The following ANKRD62 variants were observed in gnomAD, a reference collection of about 807,000 sequenced individuals.
The protein encoded by ANKRD62 is ankyrin repeat domain-containing protein 62.
Under a neutral mutation model 98.8 loss-of-function variants are expected in ANKRD62, and 61 were observed. That is an observed-to-expected ratio of 0.62 (90% CI 0.50 to 0.76). ANKRD62 has a LOEUF of 0.76. Ranked by LOEUF, ANKRD62 falls within the 30% of genes least tolerant of loss-of-function variation. The probability of loss-of-function intolerance (pLI) is 0.00; values close to 1 mark genes in which losing one functional copy is unlikely to be tolerated. For synonymous variants in ANKRD62, 341 were observed against 367.9 expected, an observed-to-expected ratio of 0.93 and a Z score of 0.84; for missense variants, 933 against 1,082.9, an observed-to-expected ratio of 0.86 and a Z score of 1.94.
At chr18:12,120,125 T>A (rs1051201760) in intron 10 of ANKRD62, among the ~76,000 whole-genome samples, 5 of 152,240 alleles carry the variant, frequency 3.3e-5, no homozygotes, top group African/African-American at 1.2e-4. Context: ...AAATATTGTC[T>A]ATTTTGGCAA....
In ANKRD62 at chr18:12,095,743, C is replaced by T. The variant is rs868244794; in HGVS notation, c.507+133C>T. ...GTGCAAATATTTGCTTTACATACAA[C>T]TATTTAAAAATACATTCATAACAAA... On this transcript the variant is annotated intron_variant, in intron 3 of 13. Transcript: ENST00000587848. 23 of 851,166 alleles carry T rather than the reference C, an allele frequency of 2.7e-5. No homozygotes were observed. In the Middle Eastern group the frequency reaches 1.5e-3, roughly 54 times the overall value. 52.7% of individuals were successfully genotyped at this position (851,166 alleles called of 1,614,324 possible). A position where few individuals can be genotyped will look rare whatever the true frequency, so the allele number is the denominator to read the frequency against.
the ANKRD62 span, among the ~76,000 whole-genome samples, chr18:12,144,674 T>C: frequency 3.4e-3 from 43 of 12,556 alleles, no homozygotes; most frequent in East Asian, 8.7e-3. Flanking sequence ...GCCCACAAGC[T>C]GGAATGGCTA....
At chr18:12,161,147 A>C in the ANKRD62 span, among the ~76,000 whole-genome samples, 4 of 152,170 alleles carry the variant, frequency 2.6e-5, no homozygotes, top group Non-Finnish European at 4.4e-5. Flanking sequence ...GGAAATGTGT[A>C]AAATTGTTGA....
At chr18:12,140,688 G>A in the ANKRD62 span, among the ~76,000 whole-genome samples, 1 of 152,180 alleles carries the variant, frequency 6.6e-6, no homozygotes, top group Admixed American at 6.5e-5. Flanking sequence ...AAATGCTGCT[G>A]CCTGATCGTT....
At chr18:12,104,454 A>G (rs1485703991) in intron 7 of ANKRD62, among the ~76,000 whole-genome samples, 1 of 152,182 alleles carries the variant, frequency 6.6e-6, no homozygotes, top group Non-Finnish European at 1.5e-5. Flanking sequence ...ATGTCTCAAC[A>G]AACAGAAGTG....
chr18:12,164,414 G>T, the ANKRD62 span, among the ~76,000 whole-genome samples: 2 of 151,558 alleles, frequency 1.3e-5, no homozygotes, highest in East Asian at 1.9e-4. Flanking sequence ...CTAGCTAAAG[G>T]TTGTCAATTT....
chr18:12,097,251 A>T (rs1295171081), intron 4 of ANKRD62, among the ~76,000 whole-genome samples: 2 of 152,200 alleles, frequency 1.3e-5, no homozygotes, highest in African/African-American at 4.8e-5. Context: ...AAACCTGCAG[A>T]TAGCTCTTAT....
At chr18:12,111,967 G>A (rs182121920) in intron 8 of ANKRD62, among the ~76,000 whole-genome samples, 22 of 151,930 alleles carry the variant, frequency 1.4e-4, no homozygotes, top group Middle Eastern at 6.8e-3. Context: ...AAAATTAGCC[G>A]GGCGTGGTGG....
chr18:12,158,210 G>A, the ANKRD62 span, among the ~76,000 whole-genome samples: 2 of 152,204 alleles, frequency 1.3e-5, no homozygotes, highest in African/African-American at 4.8e-5. Flanking sequence ...TTTAGAGGTA[G>A]TAAATGAGAA....
At chr18:12,154,552 A>G in the ANKRD62 span, among the ~76,000 whole-genome samples, 1 of 152,204 alleles carries the variant, frequency 6.6e-6, no homozygotes, top group African/African-American at 2.4e-5. Flanking sequence ...TCAGAAAGCT[A>G]AAAGCAGAAC....
the ANKRD62 span, among the ~76,000 whole-genome samples, chr18:12,163,298 A>G: frequency 6.6e-6 from 1 of 151,858 alleles, no homozygotes; most frequent in African/African-American, 2.4e-5. Context: ...TTTCTTTTTC[A>G]GATTGTTTGC....
chr18:12,158,531 T>A, the ANKRD62 span, among the ~76,000 whole-genome samples: 2 of 91,520 alleles, frequency 2.2e-5, no homozygotes, highest in African/African-American at 8.1e-5. Flanking sequence ...TATTTTTATT[T>A]TTTATTTTTT....
At chr18:12,150,400 C>G in the ANKRD62 span, among the ~76,000 whole-genome samples, 1 of 152,200 alleles carries the variant, frequency 6.6e-6, no homozygotes, top group Non-Finnish European at 1.5e-5. Flanking sequence ...TTGTCTATGA[C>G]AACTTCCCCA....
chr18:12,132,044 A>G (rs564228716), downstream of ANKRD62, among the ~76,000 whole-genome samples: 2 of 152,284 alleles, frequency 1.3e-5, no homozygotes, highest in African/African-American at 4.8e-5. Context: ...AATCTTAATA[A>G]TGATGACTCT....
intron 8 of ANKRD62, among the ~76,000 whole-genome samples, chr18:12,109,969 A>C (rs1050578240): frequency 1.4e-5 from 2 of 140,764 alleles, no homozygotes; most frequent in African/African-American, 5.2e-5. Flanking sequence ...AAAAAAAAAA[A>C]AACAGACAGA....
chr18:12,095,202 C>T lies in ANKRD62; in HGVS notation c.250C>T (p.Arg84Cys), dbSNP rs1324252486. 32 of 1,536,836 alleles carry T rather than the reference C, an allele frequency of 2.1e-5. No homozygotes were observed. The highest frequency in any genetic ancestry group is 2.8e-5 in the Non-Finnish European group (32 of 1,146,846). ...TALLLACAHG[R>C]PGVVADLVAR... Reference sequence around the variant, plus strand: ...TCTACTTTTGGCGTGTGCCCATGGCCGTCCAGGAGTGGTAGCTGACCTGGT... The same window carrying T: ...TCTACTTTTGGCGTGTGCCCATGGCTGTCCAGGAGTGGTAGCTGACCTGGT... Residue 84 changes from arginine (R) to cysteine (C), a missense_variant, in exon 2 of 14, where the codon CGT becomes TGT. Physicochemically the swap from Arg to Cys is radical, Grantham distance 180. Around this residue, in one of 3 missense-constraint regions of ANKRD62, gnomAD observed 549 missense variants for 587.9 expected, o/e 0.93. Coordinates refer to ENST00000587848, the MANE Select transcript of ANKRD62 (RefSeq NM_001277333.2).
chr18:12,145,514 AT>A, the ANKRD62 span, among the ~76,000 whole-genome samples: 1 of 151,442 alleles, frequency 6.6e-6, no homozygotes, highest in Admixed American at 6.6e-5. Context: ...GTGGATGTGG[AT>A]GGGGTCCCCC....
the ANKRD62 span, among the ~76,000 whole-genome samples, chr18:12,140,761 G>A: frequency 2.9e-4 from 44 of 152,164 alleles, no homozygotes; most frequent in African/African-American, 1.0e-3. Flanking sequence ...GCCCCTAGTT[G>A]GGGGTGCCTC....
At chr18:12,164,081 G>A in the ANKRD62 span, among the ~76,000 whole-genome samples, 22 of 152,036 alleles carry the variant, frequency 1.4e-4, no homozygotes, top group Middle Eastern at 6.8e-3. Flanking sequence ...AGTAGGATTG[G>A]TATTAATTCT....
Sources: gnomAD v4.1 joint callset for allele counts (sites outside exome capture counted in the v4.1 genomes callset) on GRCh38, gnomAD v4.1.1 for gene constraint, gnomAD v4.1.1 regional missense constraint, MANE v1.5 for transcripts, NCBI Gene and HGNC (gene_info 2026-07-23, HGNC 2026-07-21) for gene names.